ARHGAP6: variants seen among roughly 807,000 people sequenced by gnomAD.
The protein encoded by ARHGAP6 is Rho GTPase activating protein 6, also known as rho GTPase-activating protein 6.
Under a neutral mutation model 55.7 loss-of-function variants are expected in ARHGAP6, and 16 were observed. The ratio of observed to expected loss-of-function variants is 0.29; its 90% CI spans 0.19 to 0.44. The LOEUF is 0.44. Among genes scored for constraint, ARHGAP6 ranks in the 20% least tolerant of loss-of-function variants. The pLI is 1.00. For synonymous variants in ARHGAP6, 382 were observed against 360.9 expected (o/e 1.06, Z -0.66); for missense variants, 698 against 808.9 (o/e 0.86, Z 1.66).
chrX:11,569,130 G>A (rs1052194355), intron 1 of ARHGAP6, among the ~76,000 whole-genome samples: 3 of 111,685 alleles, frequency 2.7e-5, no homozygotes, highest in African/African-American at 6.5e-5. Flanking sequence ...TCGTTCTTAA[G>A]TGCAGACAAT....
chrX:11,488,881 G>T (rs1356737387), intron 1 of ARHGAP6, among the ~76,000 whole-genome samples: 1 of 111,608 alleles, frequency 9.0e-6, no homozygotes, highest in Non-Finnish European at 1.9e-5. Context: ...GTGCCAAAAA[G>T]GTTGGGGACC....
chrX:11,522,564 A>C (rs1322685041), intron 1 of ARHGAP6, among the ~76,000 whole-genome samples: 2 of 111,703 alleles, frequency 1.8e-5, no homozygotes, highest in African/African-American at 6.5e-5. Context: ...ATCACCACCG[A>C]TCCCACAGAA....
intron 1 of ARHGAP6, among the ~76,000 whole-genome samples, chrX:11,464,234 C>T (rs1447760209): frequency 2.7e-5 from 3 of 111,833 alleles, no homozygotes; most frequent in Non-Finnish European, 5.6e-5. Context: ...AAAGCTATTC[C>T]CTTACCTCCA....
At chrX:11,399,044 T>G (rs1266646866) in intron 1 of ARHGAP6, among the ~76,000 whole-genome samples, 1 of 111,931 alleles carries the variant, frequency 8.9e-6, no homozygotes, top group African/African-American at 3.2e-5. Context: ...ATTGATTTCT[T>G]TAAGCACATT....
At chrX:11,222,710 TA>T (rs897540024) in intron 2 of ARHGAP6, among the ~76,000 whole-genome samples, 2 of 112,035 alleles carry the variant, frequency 1.8e-5, no homozygotes, top group Non-Finnish European at 3.8e-5. Context: ...CTAGATTGCT[TA>T]AAAATACTTT....
At chrX:11,635,987 T>C (rs1420427293) in intron 1 of ARHGAP6, among the ~76,000 whole-genome samples, 2 of 111,619 alleles carry the variant, frequency 1.8e-5, no homozygotes, top group East Asian at 2.8e-4. Context: ...TGCTGGCACC[T>C]CAATGCCTTA....
At chrX:11,147,797 G>A (rs1285183150) in intron 10 of ARHGAP6, among the ~76,000 whole-genome samples, 3 of 112,292 alleles carry the variant, frequency 2.7e-5, no homozygotes, top group South Asian at 3.6e-4. Context: ...GTAGTGTAGT[G>A]GAAATGTGGA....
intron 1 of ARHGAP6, among the ~76,000 whole-genome samples, chrX:11,285,850 C>T (rs747058162): frequency 2.7e-5 from 3 of 112,302 alleles, no homozygotes; most frequent in Non-Finnish European, 5.6e-5. Flanking sequence ...TTCTAAAGTC[C>T]ACAAGCTTCC....
chrX:11,590,727 G>C (rs1339639169), intron 1 of ARHGAP6, among the ~76,000 whole-genome samples: 1 of 100,416 alleles, frequency 1.0e-5, no homozygotes, highest in East Asian at 3.0e-4. Flanking sequence ...GGAGGTTGCA[G>C]TGAGCACCAA....
intron 1 of ARHGAP6, among the ~76,000 whole-genome samples, chrX:11,371,679 G>C (rs1443093343): frequency 1.8e-5 from 2 of 112,166 alleles, no homozygotes; most frequent in Non-Finnish European, 3.8e-5. Context: ...TTATTTATGA[G>C]AAAGATAATG....
At chrX:11,657,438 A>G (rs1365639662) in intron 1 of ARHGAP6, among the ~76,000 whole-genome samples, 38 of 108,694 alleles carry the variant, frequency 3.5e-4, no homozygotes, top group African/African-American at 1.3e-3. Flanking sequence ...TGGAAGAATA[A>G]AGGAGGAAAC....
intron 1 of ARHGAP6, among the ~76,000 whole-genome samples, chrX:11,478,197 C>G (rs959385459): frequency 1.8e-5 from 2 of 111,140 alleles, no homozygotes; most frequent in Admixed American, 9.6e-5. Context: ...AGCTTTATAC[C>G]CAAGAGAAAT....
intron 1 of ARHGAP6, among the ~76,000 whole-genome samples, chrX:11,453,402 C>T (rs2050164755): frequency 9.4e-6 from 1 of 106,448 alleles, no homozygotes; most frequent in Non-Finnish European, 1.9e-5. Context: ...TGTCCAGCTT[C>T]AGCATGTACC....
Position 11,600,245 on chromosome X carries a change from A to G in ARHGAP6, c.588+63996T>C, listed in dbSNP as rs1275816571. ...CAGAAGGACAGTTGTAATTTTGACT[A>G]TGTAAGAATCCCAGAGTATATCTGG... On this transcript the variant is annotated intron_variant, in intron 1 of 12. Coordinates refer to ENST00000337414, the MANE Select transcript of ARHGAP6 (RefSeq NM_013427.3). Among the ~76,000 whole-genome samples, 12 of 111,823 alleles carry G rather than the reference A, an allele frequency of 1.1e-4. No individual in the cohort carries two copies. The Admixed American group carries it at 1.1e-3, about 11-fold the overall frequency.
chrX:11,465,188 T>G (rs1956116827), intron 1 of ARHGAP6, among the ~76,000 whole-genome samples: 1 of 112,168 alleles, frequency 8.9e-6, no homozygotes, highest in African/African-American at 3.2e-5. Flanking sequence ...GATACCCAAT[T>G]ATTGAGCCCG....
chrX:11,491,935 G>A (rs1372651615), intron 1 of ARHGAP6, among the ~76,000 whole-genome samples: 1 of 107,718 alleles, frequency 9.3e-6, no homozygotes, highest in Non-Finnish European at 1.9e-5. Flanking sequence ...ATCTCATTGT[G>A]GTTTTGATTT....
intron 1 of ARHGAP6, among the ~76,000 whole-genome samples, chrX:11,415,169 A>G (rs909706385): frequency 5.3e-5 from 6 of 112,272 alleles, no homozygotes; most frequent in African/African-American, 1.9e-4. Context: ...ATAAATTTTA[A>G]AAAGTATCCA....
At chrX:11,528,107 A>G (rs2051009599) in intron 1 of ARHGAP6, among the ~76,000 whole-genome samples, 1 of 112,098 alleles carries the variant, frequency 8.9e-6, no homozygotes, top group African/African-American at 3.2e-5. Flanking sequence ...GTATGGCTGG[A>G]TTCCTTTTAG....
At chrX:11,659,201 T>A (rs986358813) in intron 1 of ARHGAP6, among the ~76,000 whole-genome samples, 5 of 111,901 alleles carry the variant, frequency 4.5e-5, no homozygotes, top group African/African-American at 1.3e-4. Context: ...ATTTATAGGA[T>A]GCATGCTTGG....
Sources: gnomAD v4.1 joint callset for allele counts (sites outside exome capture counted in the v4.1 genomes callset) on GRCh38, gnomAD v4.1.1 for gene constraint, MANE v1.5 for transcripts, NCBI Gene and HGNC (gene_info 2026-07-23, HGNC 2026-07-21) for gene names.